Variants in TAB2 observed in about 807,000 individuals in gnomAD.
TAB2 encodes TGF-beta-activated kinase 1 and MAP3K7-binding protein 2.
TAB2 carries 3 observed loss-of-function variants against 65.0 expected under a neutral mutation model. The ratio of observed to expected loss-of-function variants is 0.05; its 90% CI spans 0.02 to 0.12. TAB2 has a LOEUF of 0.12. TAB2 is among the 10% of genes least tolerant of loss of function. TAB2 has a pLI of 1.00. For synonymous variants in TAB2, 298 were observed against 285.1 expected (o/e 1.05, Z -0.46); for missense variants, 623 against 840.3 (o/e 0.74, Z 3.20).
chr6:149,396,688 A>C (rs147861656), intron 3 of TAB2, among the ~76,000 whole-genome samples: 6 of 152,242 alleles, frequency 3.9e-5, no homozygotes, highest in Admixed American at 2.6e-4. Context: ...TGGTTTCCCA[A>C]GTAGTTCATG....
chr6:149,391,716 A>AT, intron 3 of TAB2, among the ~76,000 whole-genome samples: 2 of 151,272 alleles, frequency 1.3e-5, no homozygotes, highest in South Asian at 4.2e-4. Flanking sequence ...TAATTTTTTA[A>AT]TTTTTTTGTA....
At chr6:149,313,866 G>A (rs989086433), upstream of TAB2, among the ~76,000 whole-genome samples, 1 of 152,140 alleles carries the variant, frequency 6.6e-6, no homozygotes, top group Admixed American at 6.5e-5. Flanking sequence ...GAGCAGTTCT[G>A]GGAAACATTT....
chr6:149,220,131 A>T (rs1395154799), intron 1 of TAB2, among the ~76,000 whole-genome samples: 2 of 152,234 alleles, frequency 1.3e-5, no homozygotes, highest in African/African-American at 4.8e-5. Flanking sequence ...AAGACAGCGT[A>T]TGGGTTCTCA....
intron 1 of TAB2, among the ~76,000 whole-genome samples, chr6:149,230,965 G>C (rs1777392183): frequency 6.6e-6 from 1 of 152,320 alleles, no homozygotes; most frequent in South Asian, 2.1e-4. Context: ...TGCTGCATGA[G>C]AGAGATGTGC....
intron 1 of TAB2, among the ~76,000 whole-genome samples, chr6:149,336,354 T>A (rs1411177347): frequency 3.3e-5 from 5 of 152,338 alleles, no homozygotes; most frequent in Middle Eastern, 6.8e-3. Flanking sequence ...AGTGGAACTT[T>A]TGGCTTATCT....
intron 1 of TAB2, among the ~76,000 whole-genome samples, chr6:149,230,487 C>T (rs949364248): frequency 5.9e-5 from 9 of 152,144 alleles, no homozygotes; most frequent in South Asian, 2.1e-4. Context: ...CCTTAAAAGG[C>T]CAATAAACTG....
intron 1 of TAB2, among the ~76,000 whole-genome samples, chr6:149,233,819 A>G (rs1437418682): frequency 6.6e-6 from 1 of 152,146 alleles, no homozygotes; most frequent in Non-Finnish European, 1.5e-5. Flanking sequence ...TTCTGCACCA[A>G]CCTAATATAT....
At chr6:149,324,952 A>G (rs1191412714) in intron 1 of TAB2, among the ~76,000 whole-genome samples, 1 of 151,514 alleles carries the variant, frequency 6.6e-6, no homozygotes, top group East Asian at 1.9e-4. Flanking sequence ...GTGCGCAACT[A>G]CATCCAGCTG....
intron 1 of TAB2, among the ~76,000 whole-genome samples, chr6:149,278,187 A>G (rs1778512066): frequency 6.6e-6 from 1 of 152,210 alleles, no homozygotes; most frequent in Non-Finnish European, 1.5e-5. Context: ...CAAGCAACAT[A>G]TTATTTGTAC....
intron 1 of TAB2, among the ~76,000 whole-genome samples, chr6:149,262,242 C>T (rs963825059): frequency 5.9e-5 from 9 of 152,156 alleles, no homozygotes. Context: ...ACATACAAAT[C>T]TCAAATGCTG....
intron 6 of TAB2, among the ~76,000 whole-genome samples, chr6:149,403,313 T>TATATATAC (rs1298336581): frequency 3.0e-5 from 2 of 66,868 alleles, no homozygotes; most frequent in African/African-American, 1.3e-4. Flanking sequence ...TATATATATA[T>TATATATAC]ACACACACAT....
intron 1 of TAB2, among the ~76,000 whole-genome samples, chr6:149,260,063 C>T (rs1778120498): frequency 1.3e-5 from 2 of 152,312 alleles, no homozygotes; most frequent in African/African-American, 4.8e-5. Context: ...ACCAAGATGG[C>T]TTTCAAATGT....
intron 1 of TAB2, among the ~76,000 whole-genome samples, chr6:149,249,397 G>A (rs746075475): frequency 2.0e-5 from 3 of 151,940 alleles, no homozygotes; most frequent in Non-Finnish European, 4.4e-5. Context: ...ACATCTCTAA[G>A]CAAAGGTGTG....
At chr6:149,344,626 G>T (rs536264494) in intron 1 of TAB2, among the ~76,000 whole-genome samples, 1 of 152,244 alleles carries the variant, frequency 6.6e-6, no homozygotes, top group South Asian at 2.1e-4. Flanking sequence ...AGATGAAGGA[G>T]TTTGGACTTT....
intron 1 of TAB2, among the ~76,000 whole-genome samples, chr6:149,302,675 G>A (rs1778990684): frequency 6.6e-6 from 1 of 152,182 alleles, no homozygotes; most frequent in Admixed American, 6.5e-5. Flanking sequence ...AACTTTCTCT[G>A]CACTACATGG....
At chr6:149,254,016 AAG>A (rs1263951090) in intron 1 of TAB2, among the ~76,000 whole-genome samples, 4 of 149,868 alleles carry the variant, frequency 2.7e-5, no homozygotes, top group Non-Finnish European at 5.9e-5. Flanking sequence ...GAAAGAAAGA[AAG>A]AAAGAAAAGA....
chr6:149,326,448 A>G (rs1779621504), intron 1 of TAB2, among the ~76,000 whole-genome samples: 1 of 152,220 alleles, frequency 6.6e-6, no homozygotes. Context: ...CCAGAAGCAC[A>G]AATAGGAGAT....
At chr6:149,391,491 C>T (rs1355050793) in intron 3 of TAB2, among the ~76,000 whole-genome samples, 1 of 151,764 alleles carries the variant, frequency 6.6e-6, no homozygotes, top group Admixed American at 6.6e-5. Context: ...AGCTTTCTAT[C>T]TATTTCTCGT....
chr6:149,354,253 G>A (rs1305324287), intron 1 of TAB2, among the ~76,000 whole-genome samples: 1 of 152,140 alleles, frequency 6.6e-6, no homozygotes, highest in Non-Finnish European at 1.5e-5. Flanking sequence ...GAAATCGAAA[G>A]AGAAGTAGGT....
Sources: gnomAD v4.1 joint callset for allele counts (sites outside exome capture counted in the v4.1 genomes callset) on GRCh38, gnomAD v4.1.1 for gene constraint, MANE v1.5 for transcripts, NCBI Gene and HGNC (gene_info 2026-07-23, HGNC 2026-07-21) for gene names.